YLPM1: variants seen among roughly 807,000 people sequenced by gnomAD.
The protein encoded by YLPM1 is YLP motif-containing protein 1.
In YLPM1, 99 loss-of-function variants were observed where a neutral mutation model predicts 230.0. That is an observed-to-expected ratio of 0.43 (90% CI 0.37 to 0.51). The LOEUF (loss-of-function observed/expected upper bound fraction) is 0.51. Ranked by LOEUF, YLPM1 falls within the 20% of genes least tolerant of loss-of-function variation. The pLI is 0.00. For synonymous variants in YLPM1, 984 were observed against 942.5 expected (o/e 1.04, Z -0.81); for missense variants, 2,592 against 2,707.7 (o/e 0.96, Z 0.95).
rs746937714 is a variant in YLPM1 at position 74,781,474 on chromosome 14, G to A, written c.1431G>A (p.Glu477=). ...HSYPHKDQLQ[E]YEKQWKTWQG... Reference sequence around the variant, plus strand: ...ATCCTCATAAAGATCAGCTTCAGGAGTATGAGAAGCAGTGGAAAACATGGC... The same window carrying A: ...ATCCTCATAAAGATCAGCTTCAGGAATATGAGAAGCAGTGGAAAACATGGC... The change falls in exon 4 of 21, where the codon GAG becomes GAA. Residue 477 remains glutamate, a synonymous_variant. Coordinates refer to ENST00000325680, the MANE Select transcript of YLPM1 (RefSeq NM_019589.3). 6.2e-7 allele frequency: 1 copy of A among 1,613,492 alleles called. No individual in the cohort carries two copies.
At chr14:74,801,041 A>C (rs764355413) in intron 5 of YLPM1, among the ~76,000 whole-genome samples, 2 of 152,238 alleles carry the variant, frequency 1.3e-5, no homozygotes, top group African/African-American at 4.8e-5. Context: ...TTTATGGAGA[A>C]TACCAAGCTG....
In YLPM1 at chr14:74,799,460, A is replaced by G. The variant is rs372700647; in HGVS notation, c.4163A>G (p.Asp1388Gly). Residue 1388 changes from aspartate (D) to glycine (G), a missense_variant, in exon 5 of 21, where the codon GAT becomes GGT. Physicochemically the swap from Asp to Gly is moderately conservative, Grantham distance 94. Around this residue, in one of 4 missense-constraint regions of YLPM1, gnomAD observed 1,862 missense variants for 1,819.8 expected, o/e 1.02. Coordinates refer to ENST00000325680, the MANE Select transcript of YLPM1 (RefSeq NM_019589.3). Reference sequence around the variant, plus strand: ...GGAGATACATGGCGGGAAAAGCGAGATTATGTTCCTGACAGAATGGACTGG... The same window carrying G: ...GGAGATACATGGCGGGAAAAGCGAGGTTATGTTCCTGACAGAATGGACTGG... ...ERGDTWREKR[D>G]YVPDRMDWER... 1.2e-6 allele frequency: 2 copies of G among 1,613,880 alleles called. No individual in the cohort carries two copies. Among genetic ancestry groups the G allele is most frequent in the African/African-American group, 2.7e-5 (2 of 74,922 alleles).
chr14:74,782,280 C>T lies in YLPM1; in HGVS notation c.2237C>T (p.Pro746Leu), dbSNP rs1364068152. 4 of 1,569,002 alleles carry T rather than the reference C, an allele frequency of 2.5e-6. No individual in the cohort carries two copies. Among genetic ancestry groups the T allele is most frequent in the South Asian group, 2.3e-5 (2 of 85,210 alleles). Residue 746 changes from proline to leucine, a missense_variant, in exon 4 of 21, where the codon CCA (proline) becomes CTA (leucine). Physicochemically the swap from Pro to Leu is moderately conservative, Grantham distance 98. This residue lies in a region of YLPM1 where 1,862 missense variants were observed against 1,819.8 expected (regional missense o/e 1.02). Coordinates refer to ENST00000325680, the MANE Select transcript of YLPM1 (RefSeq NM_019589.3). ...DMPVRSGGLL[P>L]DPPRSSYLES... ...CCAGTGAGATCAGGTGGCCTGCTTC[C>T]AGATCCTCCTAGAAGTAGTTACTTG... is the stretch of plus-strand genomic sequence containing the variant.
At position 74,798,302 on chromosome 14, in the gene YLPM1, G is replaced by C; in HGVS notation, c.3005G>C (p.Arg1002Pro). The C allele has an allele frequency of 4.3e-6, 7 of 1,613,850 alleles. No individual in the cohort carries two copies. The highest frequency in any genetic ancestry group is 5.1e-6 in the Non-Finnish European group (6 of 1,179,868). The stretch of plus-strand genomic sequence containing the variant: ...AACAACCAAGATAAAGGCCTGCCTC[G>C]GCCAGATAATAGAGATAATAGATTA... ...SENNQDKGLPRPDNRDNRLEG... is the reference protein window; with the variant it reads ...SENNQDKGLPPPDNRDNRLEG... The change falls in exon 5 of 21, where the codon CGG becomes CCG. Residue 1002 changes from arginine to proline, a missense_variant. This residue lies in a region of YLPM1 where 1,862 missense variants were observed against 1,819.8 expected (regional missense o/e 1.02). Coordinates refer to ENST00000325680, the MANE Select transcript of YLPM1 (RefSeq NM_019589.3).
At chr14:74,773,093 C>T (rs1421530382) in intron 1 of YLPM1, among the ~76,000 whole-genome samples, 2 of 152,108 alleles carry the variant, frequency 1.3e-5, no homozygotes, top group African/African-American at 4.8e-5. Context: ...CGAGACCATC[C>T]TGGCTAACAT....
At chr14:74,778,762 A>G in intron 2 of YLPM1, 79 bp downstream of exon 2, 1 of 1,317,762 alleles carries the variant, frequency 7.6e-7, no homozygotes, top group Non-Finnish European at 1.0e-6. Context: ...TTTATCATAA[A>G]TGGATATATA....
chr14:74,789,795 G>A (rs2091188752), intron 4 of YLPM1, among the ~76,000 whole-genome samples: 1 of 150,966 alleles, frequency 6.6e-6, no homozygotes, highest in African/African-American at 2.4e-5. Context: ...GCTTGGCTAC[G>A]TTATTTTTTG....
At chr14:74,813,538 C>T (rs534243167) in intron 11 of YLPM1, among the ~76,000 whole-genome samples, 3 of 152,136 alleles carry the variant, frequency 2.0e-5, no homozygotes, top group African/African-American at 4.8e-5. Flanking sequence ...TAGGACACAG[C>T]GGATCGTGTT....
chr14:74,778,795 T>G, intron 2 of YLPM1, 112 bp downstream of exon 2: 3 of 809,518 alleles, frequency 3.7e-6, no homozygotes, highest in Non-Finnish European at 5.7e-6. Context: ...TAGGTACCTA[T>G]AAAGTTGCAT....
intron 16 of YLPM1, among the ~76,000 whole-genome samples, chr14:74,819,861 C>T (rs2140136757): frequency 6.6e-6 from 1 of 152,240 alleles, no homozygotes; most frequent in African/African-American, 2.4e-5. Context: ...CTGGCTTCTC[C>T]TGCTTCTCAC....
chr14:74,781,571 T>A lies in YLPM1; in HGVS notation c.1528T>A (p.Tyr510Asn). 6.2e-7 allele frequency: 1 copy of A among 1,613,984 alleles called. No individual in the cohort carries two copies. Among genetic ancestry groups the A allele is most frequent in the Non-Finnish European group, 8.5e-7 (1 of 1,179,890 alleles). The change falls in exon 4 of 21, where the codon TAT becomes AAT. Residue 510 changes from tyrosine (Y) to asparagine (N), a missense_variant. By Grantham distance (143) the Tyr-to-Asn change is moderately radical (BLOSUM62 -2). This residue lies in a region of YLPM1 where 1,862 missense variants were observed against 1,819.8 expected (regional missense o/e 1.02). Coordinates refer to ENST00000325680, the MANE Select transcript of YLPM1 (RefSeq NM_019589.3). ...TTCATTTCAGAACATGAAGAACCAG[T>A]ATATGGGGAACATGTCAATGCCACC... ...VNSFQNMKNQ[Y>N]MGNMSMPPPF...
At chr14:74,835,650 A>G in intron 20 of YLPM1, 125 bp from the exon 21 acceptor site, 1 of 497,664 alleles carries the variant, frequency 2.0e-6, no homozygotes, top group East Asian at 4.0e-5. Context: ...ACTTATAAAA[A>G]TAAAAACCTT....
At chr14:74,789,512 T>C (rs1257551595) in intron 4 of YLPM1, among the ~76,000 whole-genome samples, 1 of 151,960 alleles carries the variant, frequency 6.6e-6, no homozygotes, top group Non-Finnish European at 1.5e-5. Flanking sequence ...CCATCATCCC[T>C]GGCCTGGCAA....
chr14:74,769,489 G>A (rs1466253830), intron 1 of YLPM1, among the ~76,000 whole-genome samples: 2 of 151,764 alleles, frequency 1.3e-5, no homozygotes, highest in Admixed American at 6.6e-5. Flanking sequence ...GTTTCACCAT[G>A]TTGGCTAGGC....
chr14:74,796,200 T>G (rs1310850636), intron 4 of YLPM1, among the ~76,000 whole-genome samples: 1 of 152,206 alleles, frequency 6.6e-6, no homozygotes, highest in Admixed American at 6.5e-5. Context: ...TACACAATCT[T>G]CTGGAGAGTG....
chr14:74,782,407 G>C, intron 4 of YLPM1, 82 bp downstream of exon 4: 1 of 1,415,840 alleles, frequency 7.1e-7, no homozygotes, highest in Middle Eastern at 1.9e-4. Context: ...GGTATAAAAA[G>C]CTTCATTTAT....
intron 1 of YLPM1, among the ~76,000 whole-genome samples, chr14:74,770,628 T>TA (rs34642284): frequency 0.36 from 53,720 of 150,396 alleles, 11,361 homozygotes; most frequent in East Asian, 0.54. Flanking sequence ...CCATCTCAGT[T>TA]AAAAAAAAAG....
At chr14:74,776,110 G>T (rs187910501) in intron 1 of YLPM1, among the ~76,000 whole-genome samples, 172 of 151,450 alleles carry the variant, frequency 1.1e-3, no homozygotes, top group African/African-American at 4.1e-3. Context: ...TATAATACTA[G>T]GATAATGACA....
intron 2 of YLPM1, among the ~76,000 whole-genome samples, chr14:74,779,241 G>C (rs183343878): frequency 2.0e-5 from 3 of 152,262 alleles, no homozygotes; most frequent in Admixed American, 2.0e-4. Context: ...GAAGATGCCA[G>C]CATATGTTCA....
Sources: allele counts gnomAD v4.1 joint callset (sites outside exome capture counted in the v4.1 genomes callset), GRCh38; gene constraint gnomAD v4.1.1; regional missense constraint gnomAD v4.1.1; transcripts MANE v1.5; gene names NCBI Gene and HGNC (gene_info 2026-07-23, HGNC 2026-07-21).